Variants in WDFY2 observed in about 807,000 individuals in gnomAD.
The protein encoded by WDFY2 is WD repeat and FYVE domain-containing protein 2.
Under a neutral mutation model 56.4 loss-of-function variants are expected in WDFY2, and 36 were observed. The ratio of observed to expected loss-of-function variants is 0.64; its 90% CI spans 0.49 to 0.84. The LOEUF is 0.84. Ranked by LOEUF, WDFY2 falls within the 40% of genes least tolerant of loss-of-function variation. WDFY2 has a pLI of 0.00. For missense variants in WDFY2, 444 were observed against 512.2 expected (o/e 0.87, Z 1.29); for synonymous variants, 176 against 183.7 (o/e 0.96, Z 0.34).
intron 3 of WDFY2, among the ~76,000 whole-genome samples, chr13:51,699,485 C>A (rs776952969): frequency 1.1e-4 from 16 of 152,164 alleles, no homozygotes; most frequent in Non-Finnish European, 1.8e-4. Flanking sequence ...ATTAGACTTA[C>A]GCTTTGCTTC....
chr13:51,608,640 C>T (rs1031434403), intron 1 of WDFY2, among the ~76,000 whole-genome samples: 2 of 152,136 alleles, frequency 1.3e-5, no homozygotes, highest in African/African-American at 4.8e-5. Flanking sequence ...GAGCTCGCAC[C>T]ACTGCATTCC....
In WDFY2 at chr13:51,759,806, A is replaced by C; in HGVS notation, c.*37A>C. The C allele has an allele frequency of 6.2e-7, 1 of 1,609,988 alleles. No individual in the cohort carries two copies. Among genetic ancestry groups the C allele is most frequent in the Non-Finnish European group, 8.5e-7 (1 of 1,176,984 alleles). On this transcript the variant is annotated 3_prime_UTR_variant, in exon 12 of 12. Transcript: ENST00000298125. ...GGAATCAGAAAGATAGTATTTACTA[A>C]AGAAACGGTTGTTTTAACCCAAATC...
chr13:51,694,275 G>A (rs1410647520), intron 3 of WDFY2, among the ~76,000 whole-genome samples: 1 of 152,164 alleles, frequency 6.6e-6, no homozygotes, highest in Admixed American at 6.6e-5. Context: ...TTTCTTCCTA[G>A]CCTTGATGGT....
chr13:51,613,283 T>C (rs1305885695), intron 1 of WDFY2, among the ~76,000 whole-genome samples: 1 of 152,036 alleles, frequency 6.6e-6, no homozygotes, highest in Non-Finnish European at 1.5e-5. Flanking sequence ...ATGCCCCCCA[T>C]CTCCCCTTCT....
At chr13:51,703,699 T>C (rs1264229692) in intron 4 of WDFY2, 49 bp downstream of exon 4, 1 of 1,504,564 alleles carries the variant, frequency 6.6e-7, no homozygotes. Context: ...AAAATACTTC[T>C]TGGTGGTTTT....
chr13:51,638,480 G>A (rs1194040114), intron 1 of WDFY2, among the ~76,000 whole-genome samples: 1 of 152,192 alleles, frequency 6.6e-6, no homozygotes, highest in African/African-American at 2.4e-5. Context: ...GTGCAAGTGA[G>A]TGGATTTCTT....
chr13:51,594,027 G>C (rs368705523), intron 1 of WDFY2: 4 of 152,340 alleles, frequency 2.6e-5, no homozygotes, highest in African/African-American at 9.6e-5. Context: ...TTTCCGACTT[G>C]GGCCAGTTTA....
intron 1 of WDFY2, among the ~76,000 whole-genome samples, chr13:51,620,204 G>A (rs961480115): frequency 8.0e-6 from 1 of 125,390 alleles, no homozygotes; most frequent in Non-Finnish European, 1.6e-5. Context: ...CACTAAGATG[G>A]CATCTGGGTG....
chr13:51,728,405 A>T (rs1006134787), intron 6 of WDFY2, among the ~76,000 whole-genome samples: 2 of 152,200 alleles, frequency 1.3e-5, no homozygotes, highest in Non-Finnish European at 2.9e-5. Flanking sequence ...TTGATAGATG[A>T]TAATGATTAA....
At chr13:51,756,258 A>G in intron 9 of WDFY2, 74 bp from the exon 10 acceptor site, 1 of 1,543,150 alleles carries the variant, frequency 6.5e-7, no homozygotes, top group Non-Finnish European at 8.7e-7. Context: ...CCTCTCTGCC[A>G]GGAGGGGTGA....
At chr13:51,656,662 T>C (rs1467762075) in intron 1 of WDFY2, among the ~76,000 whole-genome samples, 1 of 152,038 alleles carries the variant, frequency 6.6e-6, no homozygotes, top group African/African-American at 2.4e-5. Context: ...TTTTAGGGGC[T>C]CTGTTCTTTG....
intron 1 of WDFY2, among the ~76,000 whole-genome samples, chr13:51,605,251 A>G (rs1049808176): frequency 2.0e-5 from 3 of 152,206 alleles, no homozygotes; most frequent in Non-Finnish European, 4.4e-5. Flanking sequence ...GGAGCGGGCA[A>G]TGGAGTCAGA....
At chr13:51,717,729 T>C (rs1343526892) in intron 4 of WDFY2, among the ~76,000 whole-genome samples, 2 of 152,158 alleles carry the variant, frequency 1.3e-5, no homozygotes, top group Non-Finnish European at 2.9e-5. Flanking sequence ...TCACATCTTT[T>C]AGTTAAAGCC....
intron 3 of WDFY2, among the ~76,000 whole-genome samples, chr13:51,690,194 ATAT>A (rs1305463788): frequency 7.6e-4 from 3 of 3,954 alleles, no homozygotes; most frequent in Non-Finnish European, 2.5e-3. Flanking sequence ...TTATATATAT[ATAT>A]TTTTTTTATT....
chr13:51,694,993 A>C (rs1287718560), intron 3 of WDFY2, among the ~76,000 whole-genome samples: 1 of 152,122 alleles, frequency 6.6e-6, no homozygotes, highest in Non-Finnish European at 1.5e-5. Flanking sequence ...AGGCTTCTGC[A>C]TTCTTCACGT....
At chr13:51,758,354 C>A in intron 11 of WDFY2, 54 bp downstream of exon 11, 2 of 1,335,932 alleles carry the variant, frequency 1.5e-6, no homozygotes, top group Non-Finnish European at 2.1e-6. Flanking sequence ...TATAAATATA[C>A]AGGAGCACCA....
intron 1 of WDFY2, chr13:51,585,919 GT>G: frequency 2.5e-6 from 1 of 397,862 alleles, no homozygotes; most frequent in Middle Eastern, 6.3e-4. Context: ...CGATAGGTTT[GT>G]TCATGTCTTA....
chr13:51,737,551 T>TAAAAAAAA lies in WDFY2; in HGVS notation c.599-1474_599-1467dup, dbSNP rs67418551. On this transcript the variant is annotated intron_variant, in intron 6 of 11. Transcript: ENST00000298125. ...CTACTGGGGCAGGAGACAATGAATT[T>TAAAAAAAA]AAAAAAAAAAAAAAAAAAAAAAAAA... 1.2e-3 allele frequency among the ~76,000 whole-genome samples: 62 copies of TAAAAAAAA among 53,240 alleles called. 1 individual carries two copies. Among genetic ancestry groups the TAAAAAAAA allele is most frequent in the African/African-American group, 1.6e-3 (17 of 10,886 alleles). 34.9% of individuals were successfully genotyped at this position (53,240 alleles called of 152,430 possible). A position where few individuals can be genotyped will look rare whatever the true frequency, so the allele number is the denominator to read the frequency against.
intron 1 of WDFY2, among the ~76,000 whole-genome samples, chr13:51,633,759 G>A (rs1320999731): frequency 6.6e-6 from 1 of 152,180 alleles, no homozygotes; most frequent in East Asian, 1.9e-4. Context: ...TAAACCACCT[G>A]AAGTTTTTAG....
Sources: allele counts gnomAD v4.1 joint callset (sites outside exome capture counted in the v4.1 genomes callset), GRCh38; gene constraint gnomAD v4.1.1; transcripts MANE v1.5; gene names NCBI Gene and HGNC (gene_info 2026-07-23, HGNC 2026-07-21).